The following TBCE variants were observed in gnomAD, a reference collection of about 807,000 sequenced individuals.
TBCE encodes tubulin folding cofactor E, also known as tubulin-specific chaperone E.
A neutral mutation model predicts 77.0 loss-of-function variants in TBCE; 53 were observed. That is an observed-to-expected ratio of 0.69 (90% CI 0.55 to 0.87). The LOEUF (loss-of-function observed/expected upper bound fraction) is 0.87. Ranked by LOEUF, TBCE falls within the 40% of genes least tolerant of loss-of-function variation. The pLI is 0.00. For synonymous variants in TBCE, 235 were observed against 241.3 expected (o/e 0.97, Z 0.24); for missense variants, 624 against 622.4 (o/e 1.00, Z -0.03).
At chr1:235,426,680 C>T (rs1223470920) in intron 5 of TBCE, among the ~76,000 whole-genome samples, 1 of 152,214 alleles carries the variant, frequency 6.6e-6, no homozygotes, top group Non-Finnish European at 1.5e-5. Flanking sequence ...CAGTCTCACT[C>T]TGTCACCCAG....
At chr1:235,397,200 C>CTTT (rs34523932) in intron 2 of TBCE, among the ~76,000 whole-genome samples, 1 of 100,798 alleles carries the variant, frequency 9.9e-6, no homozygotes, top group African/African-American at 4.4e-5. Context: ...GTCTCAATCT[C>CTTT]TTTTTTTTTT....
At chr1:235,369,780 C>G in intron 1 of TBCE, among the ~76,000 whole-genome samples, 1 of 150,562 alleles carries the variant, frequency 6.6e-6, no homozygotes, top group East Asian at 1.9e-4. Context: ...TGCAGTGAGC[C>G]GAGATTGTGC....
intron 13 of TBCE, 190 bp downstream of exon 13, chr1:235,439,112 C>T: frequency 1.5e-6 from 1 of 685,658 alleles, no homozygotes; most frequent in Non-Finnish European, 2.5e-6. Flanking sequence ...CAGTATCTTT[C>T]AGCAGGAGGA....
chr1:235,416,194 A>G (rs1384340533), intron 4 of TBCE: 1 of 151,588 alleles, frequency 6.6e-6, no homozygotes, highest in African/African-American at 2.4e-5. Flanking sequence ...AAAGAAAAAA[A>G]AGACGTAACT....
intron 1 of TBCE, among the ~76,000 whole-genome samples, chr1:235,377,981 C>T (rs934392515): frequency 6.6e-6 from 1 of 151,808 alleles, no homozygotes; most frequent in Admixed American, 6.6e-5. Flanking sequence ...AAAAAAAACC[C>T]ATAAAGGTGG....
rs140403078 is a variant in TBCE at position 235,396,812 on chromosome 1, A to T, written c.101-4691A>T. The stretch of plus-strand genomic sequence containing the variant: ...AAATGTCTATTCAGATCTTTTGCCC[A>T]TTTCTTAATCGGATTAATAGATGTT... On this transcript the variant is annotated intron_variant, in intron 2 of 16. Transcript: ENST00000642610. 5.5e-3 allele frequency among the ~76,000 whole-genome samples: 833 copies of T among 152,110 alleles called. 8 individuals are homozygous for T. The highest frequency in any genetic ancestry group is 0.019 in the African/African-American group (809 of 41,506).
At position 235,441,842 on chromosome 1, in the gene TBCE, C is replaced by A. The variant is rs1374009281; in HGVS notation, c.1299C>A (p.Leu433=). The A allele has an allele frequency of 6.2e-7, 1 of 1,613,988 alleles. No homozygotes were observed. The change falls in exon 14 of 17, where the codon CTC becomes CTA. Residue 433 remains leucine, a synonymous_variant. Coordinates refer to ENST00000642610, the MANE Select transcript of TBCE (RefSeq NM_003193.5). ...ATGGTGCACCTGAAGATTGGGAACT[C>A]AAAACACAGCAACCACTTATGCTGA... ...LKYGAPEDWE[L]KTQQPLMLKN... is the part of the protein sequence containing the mutation.
intron 3 of TBCE, among the ~76,000 whole-genome samples, chr1:235,408,294 TAAACTA>T (rs1679574950): frequency 6.6e-6 from 1 of 152,194 alleles, no homozygotes; most frequent in Non-Finnish European, 1.5e-5. Flanking sequence ...AATTAAAAAT[TAAACTA>T]AAAAAAGAAA....
intron 3 of TBCE, chr1:235,413,848 A>ATTTTTTTTTTT (rs781617014): frequency 1.4e-5 from 1 of 70,944 alleles, no homozygotes; most frequent in Non-Finnish European, 2.5e-5. Context: ...TCCACCTACG[A>ATTTTTTTTTTT]TTTTTTTTTT....
At chr1:235,384,661 T>A (rs1437534010) in intron 2 of TBCE, among the ~76,000 whole-genome samples, 14 of 151,816 alleles carry the variant, frequency 9.2e-5, no homozygotes, top group Admixed American at 3.9e-4. Context: ...TCGGTGGTGA[T>A]ATCCCCTTTA....
At chr1:235,404,581 CCTTAGG>C (rs1342139745) in intron 3 of TBCE, among the ~76,000 whole-genome samples, 6 of 151,998 alleles carry the variant, frequency 3.9e-5, no homozygotes, top group Non-Finnish European at 8.8e-5. Flanking sequence ...AACACTGTAG[CCTTAGG>C]CTACACTAAA....
intron 2 of TBCE, among the ~76,000 whole-genome samples, chr1:235,390,549 C>G (rs1678314892): frequency 6.6e-6 from 1 of 151,900 alleles, no homozygotes; most frequent in African/African-American, 2.4e-5. Flanking sequence ...GTCAGGAGTT[C>G]AAGACCAGCC....
intron 2 of TBCE, among the ~76,000 whole-genome samples, chr1:235,384,802 TG>T (rs1677893889): frequency 6.6e-6 from 1 of 152,150 alleles, no homozygotes; most frequent in Non-Finnish European, 1.5e-5. Flanking sequence ...GGGTTTTTTG[TG>T]TCTCTATTTC....
intron 3 of TBCE, among the ~76,000 whole-genome samples, chr1:235,409,309 C>T (rs1679640545): frequency 2.0e-5 from 3 of 152,016 alleles, no homozygotes; most frequent in Admixed American, 2.0e-4. Context: ...TTTTGGACAC[C>T]CCTCCCTGTA....
intron 5 of TBCE, among the ~76,000 whole-genome samples, chr1:235,425,885 G>C (rs1033991678): frequency 2.0e-5 from 3 of 152,014 alleles, no homozygotes; most frequent in Non-Finnish European, 2.9e-5. Flanking sequence ...GTCTTCCCTG[G>C]GCACTGCATA....
At chr1:235,423,395 CAAT>C (rs576468796) in intron 5 of TBCE, among the ~76,000 whole-genome samples, 158 of 152,210 alleles carry the variant, frequency 1.0e-3, no homozygotes, top group Middle Eastern at 6.8e-3. Context: ...ACCTTAGAAA[CAAT>C]AACTCTAGGC....
At chr1:235,433,889 AAAT>A (rs1681249715) in intron 7 of TBCE, 3 of 331,848 alleles carry the variant, frequency 9.0e-6, no homozygotes, top group East Asian at 1.1e-4. Context: ...AAATTCTATC[AAAT>A]AATAATATGT....
At chr1:235,384,651 T>C (rs566118510) in intron 2 of TBCE, among the ~76,000 whole-genome samples, 2 of 151,818 alleles carry the variant, frequency 1.3e-5, no homozygotes, top group East Asian at 3.9e-4. Flanking sequence ...TTCTGTGGGA[T>C]CGGTGGTGAT....
chr1:235,449,157 TTTGG>T lies in TBCE; in HGVS notation c.*401_*404del, dbSNP rs576407865. On this transcript the variant is annotated 3_prime_UTR_variant, in exon 17 of 17. Coordinates refer to ENST00000642610, the MANE Select transcript of TBCE (RefSeq NM_003193.5). Reference sequence around the variant, plus strand: ...TATTTTAAAGGGTTACTAGAAATGATTTGGTTGGTCATTTTGGGAAATGTCCCTT... The same window carrying T: ...TATTTTAAAGGGTTACTAGAAATGATTTGGTCATTTTGGGAAATGTCCCTT... 2.8e-4 allele frequency: 69 copies of T among 249,614 alleles called. No individual in the cohort carries two copies. Among genetic ancestry groups the T allele is most frequent in the South Asian group, 6.8e-4 (14 of 20,514 alleles). The allele number at this position is 249,614 out of a possible 1,614,324, so 15.5% of individuals were successfully genotyped here. A position where few individuals can be genotyped will look rare whatever the true frequency, so the allele number is the denominator to read the frequency against.
Sources: gnomAD v4.1 joint callset for allele counts (sites outside exome capture counted in the v4.1 genomes callset) on GRCh38, gnomAD v4.1.1 for gene constraint, MANE v1.5 for transcripts, NCBI Gene and HGNC (gene_info 2026-07-23, HGNC 2026-07-21) for gene names.